PHF24: variants seen among roughly 807,000 people sequenced by gnomAD.
The protein encoded by PHF24 is Galpha inhibitory interacting protein.
PHF24 carries 25 observed loss-of-function variants against 42.6 expected under a neutral mutation model. The observed-to-expected ratio is 0.59, with a 90% CI of 0.43 to 0.82. The LOEUF is 0.82. Among genes scored for constraint, PHF24 ranks in the 40% least tolerant of loss-of-function variants. The probability of loss-of-function intolerance (pLI) is 0.00; values close to 1 mark genes in which losing one functional copy is unlikely to be tolerated. For missense variants in PHF24, 470 were observed against 538.1 expected (o/e 0.87, Z 1.25); for synonymous variants, 185 against 204.8 (o/e 0.90, Z 0.83).
the PHF24 span, among the ~76,000 whole-genome samples, chr9:34,671,938 T>C: frequency 6.6e-6 from 1 of 152,224 alleles, no homozygotes; most frequent in African/African-American, 2.4e-5. Context: ...CATATATTCA[T>C]TGTGACCTGT....
the PHF24 span, among the ~76,000 whole-genome samples, chr9:34,845,280 C>T: frequency 1.3e-5 from 2 of 152,098 alleles, no homozygotes; most frequent in African/African-American, 4.8e-5. Context: ...TCCACTCTGC[C>T]ACTTTATGTC....
At chr9:34,679,995 C>T in the PHF24 span, among the ~76,000 whole-genome samples, 3 of 152,206 alleles carry the variant, frequency 2.0e-5, no homozygotes, top group Non-Finnish European at 4.4e-5. Flanking sequence ...CCTAGACCTA[C>T]ACTGTTGGCT....
the PHF24 span, among the ~76,000 whole-genome samples, chr9:34,686,787 G>A: frequency 2.6e-5 from 4 of 152,124 alleles, no homozygotes; most frequent in Non-Finnish European, 5.9e-5. Flanking sequence ...ATCCTAACTG[G>A]GAAGCTAGGA....
Position 34,981,732 on chromosome 9 carries a change from TTTTC to T in PHF24, c.*3625_*3628del, listed in dbSNP as rs536319497. ...TATTTACAGTGAAATAAAATTCCTATTTTCTTTTTTTTTTTTTTTTAATTTTCCT... is the reference window on the plus strand; with the variant it reads ...TATTTACAGTGAAATAAAATTCCTATTTTTTTTTTTTTTTTTAATTTTCCT... On this transcript the variant is annotated 3_prime_UTR_variant, in exon 8 of 8. Transcript: ENST00000242315. The T allele has an allele frequency of 4.1e-5, 6 of 147,830 alleles. No homozygotes were observed. In the South Asian group the frequency reaches 1.1e-3, roughly 26 times the overall value. 9.2% of individuals were successfully genotyped at this position (147,830 alleles called of 1,614,324 possible).
At chr9:34,843,397 A>G in the PHF24 span, among the ~76,000 whole-genome samples, 1 of 152,204 alleles carries the variant, frequency 6.6e-6, no homozygotes, top group Non-Finnish European at 1.5e-5. Context: ...AAAAATATCA[A>G]GTGACCATAT....
At chr9:34,789,051 G>T in the PHF24 span, among the ~76,000 whole-genome samples, 1 of 152,142 alleles carries the variant, frequency 6.6e-6, no homozygotes, top group African/African-American at 2.4e-5. Flanking sequence ...TCCAACACCG[G>T]GCCCACGCAC....
chr9:34,902,342 A>G, the PHF24 span, among the ~76,000 whole-genome samples: 6 of 152,316 alleles, frequency 3.9e-5, no homozygotes, highest in South Asian at 1.2e-3. Flanking sequence ...CATCTAAAAG[A>G]AACTCCCATA....
At chr9:34,687,905 T>C in the PHF24 span, among the ~76,000 whole-genome samples, 2 of 152,258 alleles carry the variant, frequency 1.3e-5, no homozygotes, top group South Asian at 4.1e-4. Context: ...AGTGCGTGAG[T>C]GGACAGTTGG....
the PHF24 span, among the ~76,000 whole-genome samples, chr9:34,776,542 G>T: frequency 8.3e-4 from 126 of 152,146 alleles, no homozygotes; most frequent in Non-Finnish European, 1.4e-3. Flanking sequence ...ATTTTTGTTG[G>T]TTCTCGTTTA....
the PHF24 span, among the ~76,000 whole-genome samples, chr9:34,820,092 A>G: frequency 6.6e-6 from 1 of 151,096 alleles, no homozygotes; most frequent in African/African-American, 2.4e-5. Flanking sequence ...ACTAATATTA[A>G]TATAGCCACT....
chr9:34,865,328 C>A, the PHF24 span, among the ~76,000 whole-genome samples: 1 of 102,252 alleles, frequency 9.8e-6, no homozygotes, highest in African/African-American at 4.3e-5. Context: ...TTTGGGGAGG[C>A]CAAGGTGGGC....
chr9:34,943,497 G>A, the PHF24 span, among the ~76,000 whole-genome samples: 3 of 152,254 alleles, frequency 2.0e-5, no homozygotes, highest in South Asian at 4.1e-4. Context: ...TGTAGACCTC[G>A]TATTCTATTA....
At chr9:34,858,685 TG>T in the PHF24 span, among the ~76,000 whole-genome samples, 1 of 152,226 alleles carries the variant, frequency 6.6e-6, no homozygotes, top group African/African-American at 2.4e-5. Context: ...AGCCTGACTC[TG>T]GGTTGGTTTG....
chr9:34,872,738 G>A, the PHF24 span, among the ~76,000 whole-genome samples: 31 of 149,862 alleles, frequency 2.1e-4, no homozygotes, highest in African/African-American at 7.4e-4. Flanking sequence ...GGGATGGCTG[G>A]CTCAAATGGT....
At chr9:34,904,700 C>T in the PHF24 span, among the ~76,000 whole-genome samples, 1 of 149,200 alleles carries the variant, frequency 6.7e-6, no homozygotes, top group Non-Finnish European at 1.5e-5. Context: ...TTGGTTATGT[C>T]CTTTCCTGGT....
chr9:34,689,095 G>A, the PHF24 span, among the ~76,000 whole-genome samples: 1 of 152,210 alleles, frequency 6.6e-6, no homozygotes, highest in Non-Finnish European at 1.5e-5. The surrounding 1 kb of genome is among the most constrained non-coding windows in gnomAD (Gnocchi z 4.1). Context: ...GAAGGGCATG[G>A]GTGGATGGGT....
At chr9:34,978,179 C>G in exon 8 of PHF24, 1 of 1,242,110 alleles carries the variant, frequency 8.1e-7, no homozygotes, top group East Asian at 2.3e-5. Flanking sequence ...TCCCTTCCCC[C>G]ACCAACCTCT....
the PHF24 span, among the ~76,000 whole-genome samples, chr9:34,694,321 C>A: frequency 6.6e-6 from 1 of 151,778 alleles, no homozygotes; most frequent in African/African-American, 2.4e-5. Context: ...AGGCACGCAC[C>A]ACCACGCTTG....
chr9:34,886,430 T>A, the PHF24 span, among the ~76,000 whole-genome samples: 1 of 152,192 alleles, frequency 6.6e-6, no homozygotes, highest in Non-Finnish European at 1.5e-5. Flanking sequence ...CTTCTCAGGG[T>A]CATTAGTGAT....
Sources: allele counts gnomAD v4.1 joint callset (sites outside exome capture counted in the v4.1 genomes callset), GRCh38; gene constraint gnomAD v4.1.1; non-coding constraint Gnocchi (gnomAD v3.1); transcripts MANE v1.5; gene names NCBI Gene and HGNC (gene_info 2026-07-23, HGNC 2026-07-21).